The following TAFA1 variants were observed in gnomAD, a reference collection of about 807,000 sequenced individuals.
The protein encoded by TAFA1 is TAFA chemokine like family member 1.
Under a neutral mutation model 18.5 loss-of-function variants are expected in TAFA1, and 4 were observed. That is an observed-to-expected ratio of 0.22 (90% CI 0.11 to 0.49). TAFA1 has a LOEUF of 0.49. Among genes scored for constraint, TAFA1 ranks in the 20% least tolerant of loss-of-function variants. The probability of loss-of-function intolerance (pLI) is 0.98; values close to 1 mark genes in which losing one functional copy is unlikely to be tolerated. For synonymous variants in TAFA1, 56 were observed against 55.2 expected, an observed-to-expected ratio of 1.01 and a Z score of -0.06; for missense variants, 147 against 169.0, an observed-to-expected ratio of 0.87 and a Z score of 0.72.
chr3:68,197,649 A>T (rs2066427461), intron 2 of TAFA1, among the ~76,000 whole-genome samples: 2 of 151,456 alleles, frequency 1.3e-5, no homozygotes, highest in South Asian at 4.2e-4. Context: ...ATTCTCTCCT[A>T]CAGAAATGTA....
intron 2 of TAFA1, among the ~76,000 whole-genome samples, chr3:68,313,182 C>T (rs1165943295): frequency 6.6e-6 from 1 of 152,154 alleles, no homozygotes; most frequent in Non-Finnish European, 1.5e-5. Flanking sequence ...CAAAGCCAAA[C>T]CATATTTCTC....
intron 2 of TAFA1, among the ~76,000 whole-genome samples, chr3:68,269,629 T>A (rs1479097818): frequency 6.6e-6 from 1 of 151,944 alleles, no homozygotes; most frequent in East Asian, 2.0e-4. Flanking sequence ...GGATTAGAGA[T>A]AATAACTTTT....
At chr3:68,089,937 T>C (rs1384817445) in intron 2 of TAFA1, among the ~76,000 whole-genome samples, 1 of 152,204 alleles carries the variant, frequency 6.6e-6, no homozygotes, top group Non-Finnish European at 1.5e-5. Context: ...TCTCTGAGAA[T>C]GAAATTGGCT....
intron 2 of TAFA1, among the ~76,000 whole-genome samples, chr3:68,103,735 C>T (rs779242689): frequency 1.9e-4 from 29 of 152,246 alleles, no homozygotes; most frequent in South Asian, 1.9e-3. Flanking sequence ...ATACCAGTAG[C>T]TAATACTCAC....
intron 3 of TAFA1, among the ~76,000 whole-genome samples, chr3:68,520,627 A>G (rs1053174613): frequency 6.6e-6 from 1 of 152,172 alleles, no homozygotes; most frequent in African/African-American, 2.4e-5. Context: ...CAACATTACC[A>G]CTGACACAGA....
intron 2 of TAFA1, among the ~76,000 whole-genome samples, chr3:68,163,331 C>T (rs770660229): frequency 6.6e-6 from 1 of 152,178 alleles, no homozygotes; most frequent in Non-Finnish European, 1.5e-5. Context: ...ATGCAATGTC[C>T]TTGCTGTATT....
At chr3:68,216,420 G>A (rs953588972) in intron 2 of TAFA1, among the ~76,000 whole-genome samples, 3 of 152,032 alleles carry the variant, frequency 2.0e-5, no homozygotes, top group African/African-American at 7.2e-5. Flanking sequence ...GGCAGTGGGG[G>A]AAAACAATGC....
intron 2 of TAFA1, among the ~76,000 whole-genome samples, chr3:68,305,484 A>G (rs1352876788): frequency 7.8e-6 from 1 of 127,562 alleles, no homozygotes; most frequent in Admixed American, 8.5e-5. Context: ...ACTTCAATTT[A>G]TCTTTTGGGG....
intron 3 of TAFA1, among the ~76,000 whole-genome samples, chr3:68,426,764 A>G (rs1264630216): frequency 2.0e-5 from 3 of 151,928 alleles, no homozygotes; most frequent in Admixed American, 6.6e-5. Flanking sequence ...TGTTTCGGGT[A>G]CATAATACAA....
At chr3:68,248,624 G>C (rs2067130508) in intron 2 of TAFA1, among the ~76,000 whole-genome samples, 2 of 151,674 alleles carry the variant, frequency 1.3e-5, no homozygotes, top group African/African-American at 2.4e-5. Context: ...AGATGCACCT[G>C]AATGTGTGTT....
chr3:68,259,799 CTT>C (rs1326047262), intron 2 of TAFA1, among the ~76,000 whole-genome samples: 2 of 152,006 alleles, frequency 1.3e-5, no homozygotes, highest in African/African-American at 2.4e-5. Context: ...TATCCTGAGA[CTT>C]TGCTGAAGTT....
chr3:68,363,866 G>C (rs1282976857), intron 2 of TAFA1, among the ~76,000 whole-genome samples: 2 of 152,078 alleles, frequency 1.3e-5, no homozygotes, highest in South Asian at 4.1e-4. Context: ...GATTTCTCAA[G>C]GTTACAACAT....
chr3:68,115,985 G>T (rs962881538), intron 2 of TAFA1, among the ~76,000 whole-genome samples: 2 of 152,134 alleles, frequency 1.3e-5, no homozygotes, highest in African/African-American at 4.8e-5. Context: ...GGCTGGACAC[G>T]GTGGCTCACG....
chr3:68,543,325 A>C (rs2073407493), intron 4 of TAFA1, among the ~76,000 whole-genome samples: 1 of 152,162 alleles, frequency 6.6e-6, no homozygotes, highest in Admixed American at 6.6e-5. Flanking sequence ...AGTCACTGGA[A>C]AAGACAAACT....
chr3:68,493,414 C>T (rs1422952002), intron 3 of TAFA1, among the ~76,000 whole-genome samples: 1 of 152,170 alleles, frequency 6.6e-6, no homozygotes, highest in Non-Finnish European at 1.5e-5. Flanking sequence ...TTGCTACTAC[C>T]TTGTGGCTAC....
At chr3:68,521,854 C>CTTTTTTTT (rs1171497150) in intron 3 of TAFA1, among the ~76,000 whole-genome samples, 29 of 26,062 alleles carry the variant, frequency 1.1e-3, no homozygotes, top group East Asian at 8.6e-3. Context: ...GTGTTTTTTT[C>CTTTTTTTT]TGTTTTTTTT....
chr3:68,013,818 C>CA (rs1704520004), intron 2 of TAFA1, among the ~76,000 whole-genome samples: 1 of 151,776 alleles, frequency 6.6e-6, no homozygotes, highest in South Asian at 2.1e-4. Context: ...AATAAAGGTC[C>CA]AAAAAAGAAA....
chr3:68,107,906 C>T (rs1460443108), intron 2 of TAFA1, among the ~76,000 whole-genome samples: 2 of 152,076 alleles, frequency 1.3e-5, no homozygotes, highest in African/African-American at 4.8e-5. Flanking sequence ...GATGGTTCTG[C>T]CCTAGTCATT....
intron 2 of TAFA1, among the ~76,000 whole-genome samples, chr3:68,151,360 C>A (rs190052508): frequency 6.6e-6 from 1 of 152,120 alleles, no homozygotes; most frequent in African/African-American, 2.4e-5. Context: ...AGGCAGGCAG[C>A]TTTTCTTGAT....
Sources: allele counts gnomAD v4.1 joint callset (sites outside exome capture counted in the v4.1 genomes callset), GRCh38; gene constraint gnomAD v4.1.1; transcripts MANE v1.5; gene names NCBI Gene and HGNC (gene_info 2026-07-23, HGNC 2026-07-21).